GPC6: variants seen among roughly 807,000 people sequenced by gnomAD.
GPC6 encodes the protein glypican-6.
In GPC6, 14 loss-of-function variants were observed where a neutral mutation model predicts 55.2. The observed-to-expected ratio is 0.25, with a 90% CI of 0.17 to 0.40. GPC6 has a LOEUF of 0.40. Among genes scored for constraint, GPC6 ranks in the 10% least tolerant of loss-of-function variants. The probability of loss-of-function intolerance (pLI) is 1.00; values close to 1 mark genes in which losing one functional copy is unlikely to be tolerated. For missense variants in GPC6, 641 were observed against 708.5 expected, an observed-to-expected ratio of 0.90 and a Z score of 1.08; for synonymous variants, 278 against 259.6, an observed-to-expected ratio of 1.07 and a Z score of -0.68.
At chr13:94,119,786 A>C (rs1281669383) in intron 4 of GPC6, among the ~76,000 whole-genome samples, 1 of 152,056 alleles carries the variant, frequency 6.6e-6, no homozygotes, top group Admixed American at 6.6e-5. Flanking sequence ...TTTAACAATC[A>C]GCTCTTGGGG....
intron 2 of GPC6, among the ~76,000 whole-genome samples, chr13:93,651,320 CT>C (rs1174695563): frequency 6.6e-6 from 1 of 150,652 alleles, no homozygotes; most frequent in Non-Finnish European, 1.5e-5. Context: ...AAAAAATTTG[CT>C]TTGTACAACT....
intron 2 of GPC6, among the ~76,000 whole-genome samples, chr13:93,804,035 A>G (rs1180936904): frequency 6.6e-6 from 1 of 152,180 alleles, no homozygotes; most frequent in African/African-American, 2.4e-5. Context: ...TGAATATATT[A>G]AAAACATTGA....
intron 2 of GPC6, among the ~76,000 whole-genome samples, chr13:93,754,900 G>C (rs1325932968): frequency 6.6e-6 from 1 of 152,020 alleles, no homozygotes; most frequent in Non-Finnish European, 1.5e-5. Context: ...ACAGATCTTC[G>C]GGAACTCCTG....
chr13:94,379,230 A>G (rs1191210961), intron 6 of GPC6, among the ~76,000 whole-genome samples: 1 of 152,240 alleles, frequency 6.6e-6, no homozygotes, highest in African/African-American at 2.4e-5. Context: ...ATATAAATGA[A>G]TCAAAGGCAT....
At chr13:94,037,375 A>G (rs1594685604) in intron 4 of GPC6, among the ~76,000 whole-genome samples, 1 of 152,014 alleles carries the variant, frequency 6.6e-6, no homozygotes, top group East Asian at 1.9e-4. Context: ...GAAAATGTTT[A>G]AATGTGTCTT....
chr13:93,702,266 A>C (rs1420183626), intron 2 of GPC6, among the ~76,000 whole-genome samples: 1 of 152,066 alleles, frequency 6.6e-6, no homozygotes, highest in Non-Finnish European at 1.5e-5. Context: ...TACGTTGTCA[A>C]TAAGCTGTAA....
At chr13:93,817,679 CA>C (rs932210264) in intron 2 of GPC6, among the ~76,000 whole-genome samples, 1 of 151,820 alleles carries the variant, frequency 6.6e-6, no homozygotes, top group Non-Finnish European at 1.5e-5. Context: ...GGCAACATGG[CA>C]AAACACCATC....
intron 4 of GPC6, among the ~76,000 whole-genome samples, chr13:94,252,282 GCCCT>G (rs1374773558): frequency 1.3e-5 from 2 of 152,116 alleles, no homozygotes; most frequent in Non-Finnish European, 2.9e-5. Flanking sequence ...TCTTTGCAAA[GCCCT>G]CCATACTGGC....
At chr13:93,336,006 G>T (rs1034996238) in intron 1 of GPC6, among the ~76,000 whole-genome samples, 1 of 152,152 alleles carries the variant, frequency 6.6e-6, no homozygotes, top group Non-Finnish European at 1.5e-5. Context: ...TGATGAAAAA[G>T]ATTTAAATCT....
chr13:93,427,504 G>A (rs1011518552), intron 1 of GPC6, among the ~76,000 whole-genome samples: 3 of 151,952 alleles, frequency 2.0e-5, no homozygotes, highest in Non-Finnish European at 4.4e-5. Flanking sequence ...ATGGGGAAAG[G>A]ATTCCCTATT....
intron 1 of GPC6, among the ~76,000 whole-genome samples, chr13:93,266,437 G>A (rs1172690429): frequency 1.3e-5 from 2 of 152,154 alleles, no homozygotes; most frequent in Non-Finnish European, 2.9e-5. Flanking sequence ...AAATGATGCT[G>A]TAAAGTTAAG....
chr13:94,207,692 T>C (rs917061182), intron 4 of GPC6, among the ~76,000 whole-genome samples: 1 of 152,190 alleles, frequency 6.6e-6, no homozygotes, highest in Non-Finnish European at 1.5e-5. Context: ...ACAGAGTAAC[T>C]GATGTGGGAA....
intron 4 of GPC6, among the ~76,000 whole-genome samples, chr13:94,236,906 GA>G (rs1289853356): frequency 9.1e-5 from 13 of 142,480 alleles, no homozygotes; most frequent in African/African-American, 3.4e-4. Flanking sequence ...TTTTTCTCCT[GA>G]AAATTTTGGG....
chr13:93,673,115 T>A (rs1881437796), intron 2 of GPC6, among the ~76,000 whole-genome samples: 2 of 152,132 alleles, frequency 1.3e-5, no homozygotes, highest in African/African-American at 2.4e-5. Flanking sequence ...TCTGAGGAGT[T>A]GGATGGCAGT....
At position 94,351,801 on chromosome 13, in the gene GPC6, A is replaced by G. The variant is rs550904232; in HGVS notation, c.1153-30613A>G. 5.3e-5 allele frequency among the ~76,000 whole-genome samples: 8 copies of G among 151,992 alleles called. 1 individual carries two copies. In the South Asian group the frequency reaches 1.7e-3, roughly 32 times the overall value. On this transcript the variant is annotated intron_variant, in intron 6 of 8. Coordinates refer to ENST00000377047, the MANE Select transcript of GPC6 (RefSeq NM_005708.5). ...CTTAAGGGAATTGGATCCTCGGAGCATATACTCCTGAATTTCCCTTATGGG... is the reference window on the plus strand; with the variant it reads ...CTTAAGGGAATTGGATCCTCGGAGCGTATACTCCTGAATTTCCCTTATGGG...
chr13:93,810,331 T>C (rs1886658762), intron 2 of GPC6, among the ~76,000 whole-genome samples: 1 of 152,198 alleles, frequency 6.6e-6, no homozygotes, highest in South Asian at 2.1e-4. Flanking sequence ...GCTGTCCCCA[T>C]TGTTGTGTTG....
intron 8 of GPC6, among the ~76,000 whole-genome samples, chr13:94,401,809 A>G: frequency 6.6e-6 from 1 of 152,162 alleles, no homozygotes. Flanking sequence ...GCACATGCCT[A>G]TAGTCCCAGC....
chr13:94,111,905 C>A (rs1316462069), intron 4 of GPC6, among the ~76,000 whole-genome samples: 1 of 152,062 alleles, frequency 6.6e-6, no homozygotes, highest in Non-Finnish European at 1.5e-5. Context: ...TGGACCCTGT[C>A]TCTCTCACTC....
chr13:93,373,584 T>C (rs1874758068), intron 1 of GPC6, among the ~76,000 whole-genome samples: 1 of 152,200 alleles, frequency 6.6e-6, no homozygotes, highest in South Asian at 2.1e-4. Flanking sequence ...TGTGGTTTCA[T>C]TATACTTAGA....
Sources: allele counts gnomAD v4.1 joint callset (sites outside exome capture counted in the v4.1 genomes callset), GRCh38; gene constraint gnomAD v4.1.1; transcripts MANE v1.5; gene names NCBI Gene and HGNC (gene_info 2026-07-23, HGNC 2026-07-21).